FOCAD: variants seen among roughly 807,000 people sequenced by gnomAD.
FOCAD encodes the protein focadhesin.
In FOCAD, 198 loss-of-function variants were observed where a neutral mutation model predicts 225.6. That is an observed-to-expected ratio of 0.88 (90% CI 0.78 to 0.99). The LOEUF is 0.99. Among genes scored for constraint, FOCAD ranks in the 50% least tolerant of loss-of-function variants. The pLI is 0.00. For synonymous variants in FOCAD, 897 were observed against 755.0 expected, an observed-to-expected ratio of 1.19 and a Z score of -3.08; for missense variants, 2,713 against 2,123.6, an observed-to-expected ratio of 1.28 and a Z score of -5.46.
rs371212672 is a variant in FOCAD at position 20,986,457 on chromosome 9, C to T, written c.4898C>T (p.Ala1633Val). 48 of 1,607,482 alleles carry T rather than the reference C, an allele frequency of 3.0e-5. No individual in the cohort carries two copies. Among genetic ancestry groups the T allele is most frequent in the Non-Finnish European group, 4.0e-5 (47 of 1,177,674 alleles). ...SLYQARIVSH[A>V]NTGVLKRMEW... ...TACCAGGCACGGATTGTGAGCCATG[C>T]CAATACGGGTGAGGACACCCTGGGG... Residue 1633 changes from alanine (A) to valine (V), a missense_variant, in exon 40 of 44, where the codon GCC (alanine) becomes GTC (valine). Transcript: ENST00000338382.
intron 15 of FOCAD, among the ~76,000 whole-genome samples, chr9:20,836,933 A>G (rs1391300162): frequency 3.9e-5 from 6 of 152,118 alleles, no homozygotes; most frequent in Admixed American, 6.6e-5. Flanking sequence ...GTTGAATGCT[A>G]TATCCCAACT....
intron 4 of FOCAD, among the ~76,000 whole-genome samples, chr9:20,734,071 T>A (rs931041527): frequency 1.3e-5 from 2 of 152,208 alleles, no homozygotes; most frequent in Non-Finnish European, 2.9e-5. Flanking sequence ...AAATATTTTT[T>A]AACTAATACA....
At chr9:20,963,431 G>A (rs1251337371) in intron 35 of FOCAD, among the ~76,000 whole-genome samples, 7 of 152,158 alleles carry the variant, frequency 4.6e-5, no homozygotes, top group East Asian at 3.8e-4. Context: ...CAGGCTGGAC[G>A]CCTTGCCTGT....
intron 35 of FOCAD, among the ~76,000 whole-genome samples, chr9:20,965,338 G>T (rs984065606): frequency 3.3e-5 from 5 of 152,108 alleles, no homozygotes; most frequent in Admixed American, 2.0e-4. Flanking sequence ...TTGTTGCAAG[G>T]ATTCTTTGGT....
intron 8 of FOCAD, among the ~76,000 whole-genome samples, chr9:20,771,324 C>G: frequency 6.6e-6 from 1 of 152,184 alleles, no homozygotes; most frequent in Admixed American, 6.5e-5. Context: ...GACCTTTCAG[C>G]AGATCTCATT....
chr9:20,671,298 G>C (rs978671039), intron 2 of FOCAD, among the ~76,000 whole-genome samples: 6 of 152,040 alleles, frequency 3.9e-5, no homozygotes, highest in African/African-American at 1.4e-4. Context: ...TTAAAATAAA[G>C]AGGAAAAAGC....
At chr9:20,941,854 C>G (rs1836689172) in intron 28 of FOCAD, among the ~76,000 whole-genome samples, 1 of 152,178 alleles carries the variant, frequency 6.6e-6, no homozygotes, top group South Asian at 2.1e-4. Context: ...TCTGCCCAAG[C>G]TATTCTTGGT....
chr9:20,686,653 A>G (rs1451958427), intron 1 of FOCAD, among the ~76,000 whole-genome samples: 1 of 152,206 alleles, frequency 6.6e-6, no homozygotes, highest in Non-Finnish European at 1.5e-5. Flanking sequence ...AAAGAAAATT[A>G]GGGTGATAAT....
At chr9:20,871,868 C>G (rs1434293845) in intron 18 of FOCAD, among the ~76,000 whole-genome samples, 1 of 148,220 alleles carries the variant, frequency 6.7e-6, no homozygotes, top group Non-Finnish European at 1.5e-5. Flanking sequence ...TGTAACTAAC[C>G]TGCACATTGT....
intron 21 of FOCAD, among the ~76,000 whole-genome samples, chr9:20,886,345 G>GCATCT (rs1564112981): frequency 1.3e-5 from 2 of 152,022 alleles, no homozygotes. Context: ...TTTGTCCCTG[G>GCATCT]CATCTCATTA....
chr9:20,656,323 G>C (rs894441721), upstream of FOCAD, among the ~76,000 whole-genome samples: 1 of 151,830 alleles, frequency 6.6e-6, no homozygotes, highest in African/African-American at 2.4e-5. Context: ...TTCAATTCCT[G>C]GGTATCCTTG....
chr9:20,960,331 G>A (rs989049664), intron 35 of FOCAD, among the ~76,000 whole-genome samples: 2 of 152,188 alleles, frequency 1.3e-5, no homozygotes, highest in Non-Finnish European at 1.5e-5. Context: ...GGCACATGAC[G>A]TCTCAGCTGC....
chr9:20,963,420 G>A (rs1838949182), intron 35 of FOCAD, among the ~76,000 whole-genome samples: 1 of 152,156 alleles, frequency 6.6e-6, no homozygotes, highest in South Asian at 2.1e-4. Flanking sequence ...GTATTAGAAG[G>A]CAGGCTGGAC....
At chr9:20,664,801 T>C (rs1348819621) in intron 2 of FOCAD, among the ~76,000 whole-genome samples, 1 of 151,976 alleles carries the variant, frequency 6.6e-6, no homozygotes, top group African/African-American at 2.4e-5. Context: ...TTAATAATGG[T>C]GATGGTTTCA....
intron 11 of FOCAD, among the ~76,000 whole-genome samples, chr9:20,812,417 A>G (rs1257835804): frequency 6.6e-6 from 1 of 152,052 alleles, no homozygotes; most frequent in South Asian, 2.1e-4. Context: ...AGTAGATAAC[A>G]CTACTTAAGA....
intron 28 of FOCAD, among the ~76,000 whole-genome samples, chr9:20,933,704 G>A (rs1355195990): frequency 6.6e-6 from 1 of 152,102 alleles, no homozygotes; most frequent in South Asian, 2.1e-4. Flanking sequence ...TTTGTATAAT[G>A]ACTTCTTTTC....
chr9:20,792,167 CT>C, intron 11 of FOCAD, among the ~76,000 whole-genome samples: 1 of 152,238 alleles, frequency 6.6e-6, no homozygotes, highest in South Asian at 2.1e-4. Context: ...GTTTTAAGAC[CT>C]GAGAAAATGT....
At chr9:20,810,790 C>T (rs140055529) in intron 11 of FOCAD, among the ~76,000 whole-genome samples, 6 of 152,104 alleles carry the variant, frequency 3.9e-5, no homozygotes, top group South Asian at 4.2e-4. Context: ...CAGGAAGGGT[C>T]GTGGCTATTT....
intron 15 of FOCAD, among the ~76,000 whole-genome samples, chr9:20,848,438 G>A (rs773173164): frequency 1.2e-4 from 18 of 151,988 alleles, no homozygotes; most frequent in Non-Finnish European, 1.8e-4. Context: ...AAAGGTGGTG[G>A]GGAGGGTTAG....
Sources: gnomAD v4.1 joint callset for allele counts (sites outside exome capture counted in the v4.1 genomes callset) on GRCh38, gnomAD v4.1.1 for gene constraint, MANE v1.5 for transcripts, NCBI Gene and HGNC (gene_info 2026-07-23, HGNC 2026-07-21) for gene names.